Variants in TBC1D22A observed in about 807,000 individuals in gnomAD.
TBC1D22A encodes putative GTPase activator.
TBC1D22A carries 38 observed loss-of-function variants against 60.2 expected under a neutral mutation model. The ratio of observed to expected loss-of-function variants is 0.63; its 90% CI spans 0.49 to 0.83. TBC1D22A has a LOEUF of 0.83. TBC1D22A is among the 40% of genes least tolerant of loss of function. The pLI, the probability that TBC1D22A is intolerant of heterozygous loss-of-function variation, is 0.00. For synonymous variants in TBC1D22A, 302 were observed against 281.7 expected (o/e 1.07, Z -0.72); for missense variants, 628 against 701.0 (o/e 0.90, Z 1.18).
rs571462378 is a variant in TBC1D22A, at chr22:46,887,767, A to G, written c.709-3499A>G. On this transcript the variant is annotated intron_variant, in intron 5 of 12. Transcript: ENST00000337137. ...TATTGACGGATGTGTTCAGTTTGTG[A>G]TAATGCACACGATTTTGGGGTACAC... is the stretch of plus-strand genomic sequence containing the variant. 2.8e-4 allele frequency among the ~76,000 whole-genome samples: 42 copies of G among 152,290 alleles called. No homozygotes were observed. In the East Asian group the frequency reaches 6.8e-3, roughly 24 times the overall value.
intron 4 of TBC1D22A, among the ~76,000 whole-genome samples, chr22:46,863,324 C>A (rs986581082): frequency 6.6e-6 from 1 of 152,098 alleles, no homozygotes; most frequent in African/African-American, 2.4e-5. Flanking sequence ...CGGAGGAAAG[C>A]GGGAGGGGCA....
At chr22:47,020,121 G>A (rs2062037354) in intron 10 of TBC1D22A, among the ~76,000 whole-genome samples, 1 of 152,172 alleles carries the variant, frequency 6.6e-6, no homozygotes, top group South Asian at 2.1e-4. Flanking sequence ...TGCTCTTTGG[G>A]CCTAGGGATG....
At chr22:46,887,172 A>G (rs1235588283) in intron 5 of TBC1D22A, among the ~76,000 whole-genome samples, 1 of 152,178 alleles carries the variant, frequency 6.6e-6, no homozygotes, top group Non-Finnish European at 1.5e-5. Context: ...ATGGGAAGGG[A>G]CTCAAACATC....
At chr22:47,057,294 C>G (rs1052183018) in intron 11 of TBC1D22A, among the ~76,000 whole-genome samples, 1 of 152,306 alleles carries the variant, frequency 6.6e-6, no homozygotes, top group Admixed American at 6.5e-5. Context: ...CCTCCTTCCA[C>G]GGGAGCAGAA....
intron 7 of TBC1D22A, among the ~76,000 whole-genome samples, chr22:46,910,554 C>G (rs2069840768): frequency 6.6e-6 from 1 of 152,166 alleles, no homozygotes. Flanking sequence ...TATGGACAGG[C>G]CTGGACAGAG....
At chr22:46,956,657 G>A (rs2073210482) in intron 8 of TBC1D22A, among the ~76,000 whole-genome samples, 1 of 152,162 alleles carries the variant, frequency 6.6e-6, no homozygotes, top group Admixed American at 6.5e-5. Flanking sequence ...CGTCTCGTGT[G>A]GTGTGTGCAG....
At chr22:47,110,406 G>T (rs903298861) in intron 11 of TBC1D22A, among the ~76,000 whole-genome samples, 2 of 152,156 alleles carry the variant, frequency 1.3e-5, no homozygotes, top group Non-Finnish European at 2.9e-5. Context: ...TTGAAACCAG[G>T]AGGTGGAGGT....
At chr22:47,052,705 CCA>C (rs2063265342) in intron 11 of TBC1D22A, among the ~76,000 whole-genome samples, 1 of 152,170 alleles carries the variant, frequency 6.6e-6, no homozygotes, top group Non-Finnish European at 1.5e-5. Flanking sequence ...CTCCTGTCGG[CCA>C]CACACAGCAC....
At chr22:47,047,324 C>A (rs370863287) in intron 11 of TBC1D22A, among the ~76,000 whole-genome samples, 4 of 152,240 alleles carry the variant, frequency 2.6e-5, no homozygotes, top group African/African-American at 9.6e-5. Flanking sequence ...ACGAATCATA[C>A]ATTTTTAGGA....
chr22:46,959,428 T>C (rs957436346), intron 8 of TBC1D22A, among the ~76,000 whole-genome samples: 1 of 152,266 alleles, frequency 6.6e-6, no homozygotes, highest in East Asian at 1.9e-4. Flanking sequence ...TGGGTGTGGC[T>C]GCCGCAGCGG....
At chr22:47,031,402 T>G (rs1013981812) in intron 10 of TBC1D22A, among the ~76,000 whole-genome samples, 1 of 152,210 alleles carries the variant, frequency 6.6e-6, no homozygotes, top group Non-Finnish European at 1.5e-5. Flanking sequence ...GAGGCCCTGG[T>G]CAATCTTTCC....
chr22:46,933,940 C>T (rs978583334), intron 8 of TBC1D22A, among the ~76,000 whole-genome samples: 2 of 152,312 alleles, frequency 1.3e-5, no homozygotes, highest in East Asian at 1.9e-4. Flanking sequence ...TGGTCTCCAG[C>T]GTTTAGCCTT....
rs538509420 is a variant in TBC1D22A at position 47,166,428 on chromosome 22, A to G, written c.1426-7070A>G. 1.6e-4 allele frequency among the ~76,000 whole-genome samples: 25 copies of G among 152,384 alleles called. No individual in the cohort carries two copies. The South Asian group carries it at 5.0e-3, about 30-fold the overall frequency. ...ACTATCATTTGAACCTAGAATCAAT[A>G]TAAAAATTATAAAAGAAATAGTTTA... On this transcript the variant is annotated intron_variant, in intron 12 of 12. Transcript: ENST00000337137.
intron 11 of TBC1D22A, among the ~76,000 whole-genome samples, chr22:47,074,774 T>G (rs1446941460): frequency 2.0e-5 from 3 of 152,204 alleles, no homozygotes; most frequent in African/African-American, 7.2e-5. Context: ...TCCTCTTCAC[T>G]GGCACCTCCA....
intron 10 of TBC1D22A, among the ~76,000 whole-genome samples, chr22:47,007,360 G>A (rs2061626663): frequency 6.6e-6 from 1 of 152,198 alleles, no homozygotes; most frequent in East Asian, 1.9e-4. Flanking sequence ...CCACGCAGAT[G>A]AAAAGGCAGC....
intron 11 of TBC1D22A, among the ~76,000 whole-genome samples, chr22:47,066,942 C>T (rs1311650398): frequency 6.6e-6 from 1 of 152,142 alleles, no homozygotes; most frequent in African/African-American, 2.4e-5. Flanking sequence ...CTGTACCTGG[C>T]TTGGTTTGCC....
chr22:47,017,592 G>A (rs1444483525), intron 10 of TBC1D22A, among the ~76,000 whole-genome samples: 1 of 152,222 alleles, frequency 6.6e-6, no homozygotes, highest in Non-Finnish European at 1.5e-5. Context: ...GCCAGGTGGG[G>A]AGGGAGTGAG....
rs551775728 is a variant in TBC1D22A, at chr22:47,157,220, C to T, written c.1426-16278C>T. Among the ~76,000 whole-genome samples, 10 of 152,336 alleles carry T rather than the reference C, an allele frequency of 6.6e-5. No individual in the cohort carries two copies. In the South Asian group the frequency reaches 1.4e-3, roughly 22 times the overall value. Reference sequence around the variant, plus strand: ...CAGCATGCAGAGTCACCGTGGCACACGTGCTGTAGTCCGCGGCTCCTCCCA... The same window carrying T: ...CAGCATGCAGAGTCACCGTGGCACATGTGCTGTAGTCCGCGGCTCCTCCCA... On this transcript the variant is annotated intron_variant, in intron 12 of 12. Transcript: ENST00000337137.
chr22:46,770,765 G>GT (rs139846288), intron 1 of TBC1D22A, among the ~76,000 whole-genome samples: 3,275 of 152,300 alleles, frequency 0.022, 106 homozygotes, highest in African/African-American at 0.075. Context: ...GCTTTCTTGT[G>GT]TTTTTTATAA....
Sources: allele counts gnomAD v4.1 joint callset (sites outside exome capture counted in the v4.1 genomes callset), GRCh38; gene constraint gnomAD v4.1.1; transcripts MANE v1.5; gene names NCBI Gene and HGNC (gene_info 2026-07-23, HGNC 2026-07-21).